The following ARK2N variants were observed in gnomAD, a reference collection of about 807,000 sequenced individuals.
The protein encoded by ARK2N is protein ARK2N.
At chr18:46,184,305 A>G in the ARK2N span, among the ~76,000 whole-genome samples, 1 of 150,470 alleles carries the variant, frequency 6.6e-6, no homozygotes, top group Non-Finnish European at 1.5e-5. Flanking sequence ...TGTATTTTTA[A>G]TAGAGACGGG....
At chr18:46,182,972 C>T in the ARK2N span, among the ~76,000 whole-genome samples, 18 of 151,996 alleles carry the variant, frequency 1.2e-4, no homozygotes, top group African/African-American at 3.9e-4. Flanking sequence ...CAGATCCATT[C>T]AGCTGTATTA....
the ARK2N span, chr18:46,218,644 T>C: frequency 5.9e-5 from 9 of 152,340 alleles, no homozygotes; most frequent in Non-Finnish European, 1.3e-4. Context: ...CTTGAAAAAT[T>C]GTGACATTGT....
At chr18:46,233,313 C>G in the ARK2N span, among the ~76,000 whole-genome samples, 1 of 152,028 alleles carries the variant, frequency 6.6e-6, no homozygotes, top group Non-Finnish European at 1.5e-5. Context: ...AGGGATGTGG[C>G]TAATATATCT....
the ARK2N span, among the ~76,000 whole-genome samples, chr18:46,213,671 C>T: frequency 6.6e-6 from 1 of 152,014 alleles, no homozygotes; most frequent in Admixed American, 6.6e-5. Flanking sequence ...AGGCTACACA[C>T]AAGATTGTTT....
the ARK2N span, among the ~76,000 whole-genome samples, chr18:46,183,339 A>G: frequency 6.6e-6 from 1 of 152,138 alleles, no homozygotes; most frequent in Non-Finnish European, 1.5e-5. Flanking sequence ...CTGGGTTTCT[A>G]GTTAATTGGT....
At chr18:46,209,845 C>T in the ARK2N span, among the ~76,000 whole-genome samples, 328 of 152,256 alleles carry the variant, frequency 2.2e-3, no homozygotes, top group African/African-American at 7.3e-3. Flanking sequence ...CCGCCTGCCT[C>T]GGCCTCCCAA....
At chr18:46,176,569 C>T in the ARK2N span, among the ~76,000 whole-genome samples, 194 of 151,986 alleles carry the variant, frequency 1.3e-3, 1 homozygote, top group African/African-American at 4.4e-3. Flanking sequence ...TTCCTCCCAC[C>T]TCAGCCTCCG....
the ARK2N span, among the ~76,000 whole-genome samples, chr18:46,250,348 G>C: frequency 5.3e-5 from 8 of 152,050 alleles, no homozygotes; most frequent in East Asian, 1.4e-3. Context: ...ATCATGCCCT[G>C]AGCAACCACC....
At chr18:46,215,993 A>T in the ARK2N span, 2 of 1,614,126 alleles carry the variant, frequency 1.2e-6, no homozygotes, top group Non-Finnish European at 1.7e-6. Context: ...GTAGAACTGG[A>T]ATCTCAAGTT....
At chr18:46,264,067 A>G in the ARK2N span, 1 of 152,488 alleles carries the variant, frequency 6.6e-6, no homozygotes, top group Non-Finnish European at 1.5e-5. Context: ...GTATGTAGCA[A>G]CAACTGTTTA....
chr18:46,195,124 T>C, the ARK2N span, among the ~76,000 whole-genome samples: 1 of 151,932 alleles, frequency 6.6e-6, no homozygotes, highest in South Asian at 2.1e-4. Context: ...TCAAAGACTT[T>C]AAAATATACA....
the ARK2N span, among the ~76,000 whole-genome samples, chr18:46,205,013 G>A: frequency 2.0e-5 from 3 of 150,336 alleles, no homozygotes; most frequent in South Asian, 4.2e-4. Context: ...GTGCGATCTC[G>A]GCTCACTGCA....
the ARK2N span, among the ~76,000 whole-genome samples, chr18:46,235,163 A>G: frequency 6.6e-6 from 1 of 152,266 alleles, no homozygotes; most frequent in African/African-American, 2.4e-5. Flanking sequence ...GATGCTAAAT[A>G]TAGATTAATC....
chr18:46,193,603 T>G, the ARK2N span, among the ~76,000 whole-genome samples: 6 of 140,530 alleles, frequency 4.3e-5, 1 homozygote, highest in African/African-American at 8.2e-5. Context: ...TTTTTTTTTT[T>G]TTTTTTTTTT....
At chr18:46,185,303 G>C in the ARK2N span, among the ~76,000 whole-genome samples, 1 of 152,174 alleles carries the variant, frequency 6.6e-6, no homozygotes, top group South Asian at 2.1e-4. Context: ...TTTCTTTTCA[G>C]TTGTCTTTCT....
chr18:46,218,539 A>G, the ARK2N span: 1 of 152,226 alleles, frequency 6.6e-6, no homozygotes, highest in Admixed American at 6.5e-5. Flanking sequence ...GACAGGTATG[A>G]ATGATCTTTA....
the ARK2N span, among the ~76,000 whole-genome samples, chr18:46,230,608 T>C: frequency 1.3e-5 from 2 of 152,230 alleles, no homozygotes; most frequent in Non-Finnish European, 2.9e-5. Context: ...CTATTGTATC[T>C]CTCTAATATG....
At chr18:46,212,588 C>A in the ARK2N span, among the ~76,000 whole-genome samples, 5 of 152,060 alleles carry the variant, frequency 3.3e-5, no homozygotes, top group South Asian at 1.0e-3. Context: ...TGTTTGTGGT[C>A]AATACTAGTC....
chr18:46,202,845 C>G, the ARK2N span, among the ~76,000 whole-genome samples: 1 of 151,028 alleles, frequency 6.6e-6, no homozygotes, highest in Admixed American at 6.6e-5. Flanking sequence ...ATCTGATATT[C>G]CTGCCCATTT....
Sources: gnomAD v4.1 joint callset for allele counts (sites outside exome capture counted in the v4.1 genomes callset) on GRCh38, gnomAD v4.1.1 for gene constraint, MANE v1.5 for transcripts, NCBI Gene and HGNC (gene_info 2026-07-23, HGNC 2026-07-21) for gene names.